The following DNAH3 variants were observed in gnomAD, a reference collection of about 807,000 sequenced individuals.
The protein encoded by DNAH3 is axonemal beta dynein heavy chain 3.
DNAH3 carries 332 observed loss-of-function variants against 432.5 expected under a neutral mutation model. The ratio of observed to expected loss-of-function variants is 0.77; its 90% CI spans 0.70 to 0.84. DNAH3 has a LOEUF of 0.84. Ranked by LOEUF, DNAH3 falls within the 40% of genes least tolerant of loss-of-function variation. DNAH3 has a pLI of 0.00. For missense variants in DNAH3, 4,861 were observed against 5,114.0 expected, an observed-to-expected ratio of 0.95 and a Z score of 1.51; for synonymous variants, 1,956 against 1,900.2, an observed-to-expected ratio of 1.03 and a Z score of -0.76.
intron 53 of DNAH3, among the ~76,000 whole-genome samples, chr16:20,961,578 A>C (rs992483960): frequency 1.3e-4 from 19 of 151,938 alleles, no homozygotes; most frequent in Non-Finnish European, 2.6e-4. Context: ...CCTTAATCCA[A>C]TATGACTGAT....
chr16:20,985,480 C>A, exon 48 of DNAH3: 1 of 1,614,196 alleles, frequency 6.2e-7, no homozygotes, highest in Admixed American at 1.7e-5. Flanking sequence ...CTTCAGGACA[C>A]GGCAGATCCT....
chr16:21,142,651 A>AG (rs2092735099), intron 3 of DNAH3, among the ~76,000 whole-genome samples: 1 of 149,224 alleles, frequency 6.7e-6, no homozygotes, highest in African/African-American at 2.5e-5. Flanking sequence ...CAATACAAAA[A>AG]TCCTTTTTTT....
At chr16:21,070,677 C>A in intron 22 of DNAH3, 33 bp downstream of exon 22, 2 of 1,419,208 alleles carry the variant, frequency 1.4e-6, no homozygotes, top group South Asian at 1.2e-5. Context: ...GCTAACGAAA[C>A]ACCTCAAAGC....
chr16:21,116,494 G>T (rs557606697), intron 12 of DNAH3, among the ~76,000 whole-genome samples: 2 of 152,010 alleles, frequency 1.3e-5, no homozygotes, highest in Non-Finnish European at 2.9e-5. Context: ...TGCCACGACC[G>T]ACCGACCATA....
chr16:21,020,442 G>A (rs180755725), intron 40 of DNAH3, among the ~76,000 whole-genome samples: 1,091 of 103,110 alleles, frequency 0.011, 9 homozygotes, highest in Non-Finnish European at 0.016. Flanking sequence ...TAGCTCTGTC[G>A]CCCATGCTGG....
At chr16:21,142,644 T>TA (rs1269571937) in intron 3 of DNAH3, among the ~76,000 whole-genome samples, 7 of 145,448 alleles carry the variant, frequency 4.8e-5, no homozygotes, top group African/African-American at 7.8e-5. Flanking sequence ...ATAACAACAA[T>TA]ACAAAAATCC....
chr16:21,000,271 T>C, exon 43 of DNAH3: 1 of 1,614,126 alleles, frequency 6.2e-7, no homozygotes, highest in Non-Finnish European at 8.5e-7. Context: ...GAAAAGGCCC[T>C]TCCGTCGTCG....
chr16:21,070,133 GATT>G (rs2090727376), intron 22 of DNAH3, among the ~76,000 whole-genome samples: 1 of 152,152 alleles, frequency 6.6e-6, no homozygotes, highest in Non-Finnish European at 1.5e-5. Context: ...TTACATTCTA[GATT>G]ACTACCATAA....
chr16:20,995,147 A>G (rs906320098), intron 44 of DNAH3, among the ~76,000 whole-genome samples: 2 of 152,122 alleles, frequency 1.3e-5, no homozygotes, highest in South Asian at 2.1e-4. Context: ...TGTTTCGCCA[A>G]GTTGCCCAGG....
chr16:21,073,266 C>T (rs531599080), intron 21 of DNAH3, among the ~76,000 whole-genome samples: 18 of 152,222 alleles, frequency 1.2e-4, no homozygotes, highest in Non-Finnish European at 2.1e-4. Context: ...CCCCATTTAG[C>T]TACTGATCCT....
chr16:21,124,165 C>G (rs1212318447), intron 9 of DNAH3, among the ~76,000 whole-genome samples: 1 of 152,132 alleles, frequency 6.6e-6, no homozygotes. Context: ...TCAACAAAGC[C>G]TTTTGTCTTT....
chr16:21,052,288 A>C (rs753412754), intron 28 of DNAH3, among the ~76,000 whole-genome samples: 1 of 152,170 alleles, frequency 6.6e-6, no homozygotes, highest in Admixed American at 6.5e-5. Flanking sequence ...CACCGTGCCC[A>C]GCCCAAACAA....
chr16:21,118,922 G>A (rs2092271702), intron 11 of DNAH3, among the ~76,000 whole-genome samples: 1 of 152,196 alleles, frequency 6.6e-6, no homozygotes, highest in Non-Finnish European at 1.5e-5. Context: ...TTAGTGGCTG[G>A]TCTCAGAAAA....
chr16:21,053,915 A>G (rs887426206), intron 28 of DNAH3, among the ~76,000 whole-genome samples: 18 of 151,952 alleles, frequency 1.2e-4, no homozygotes, highest in Non-Finnish European at 1.9e-4. Context: ...ACTGCTTGCA[A>G]CATTGCCCAT....
chr16:20,967,991 A>G (rs2085139796), intron 52 of DNAH3, among the ~76,000 whole-genome samples: 1 of 151,964 alleles, frequency 6.6e-6, no homozygotes, highest in African/African-American at 2.4e-5. Flanking sequence ...GCTTTATGTG[A>G]GTTTAGGCCT....
At chr16:20,992,029 G>A (rs1304757477) in intron 44 of DNAH3, among the ~76,000 whole-genome samples, 1 of 152,128 alleles carries the variant, frequency 6.6e-6, no homozygotes, top group Non-Finnish European at 1.5e-5. Flanking sequence ...TTTCATACAA[G>A]AAAGTCAGGG....
chr16:21,057,980 A>C (rs972497375), intron 27 of DNAH3, 106 bp downstream of exon 27: 71 of 760,916 alleles, frequency 9.3e-5, no homozygotes, highest in Admixed American at 9.7e-5. Context: ...GCTGAGACCA[A>C]ATGATTTTTG....
intron 16 of DNAH3, among the ~76,000 whole-genome samples, chr16:21,103,027 G>A (rs554245639): frequency 5.9e-5 from 9 of 152,036 alleles, no homozygotes; most frequent in East Asian, 3.9e-4. Context: ...CACTATGCCC[G>A]GCCAGGAGAC....
At chr16:21,111,421 G>A (rs555792150) in intron 14 of DNAH3, among the ~76,000 whole-genome samples, 6 of 152,118 alleles carry the variant, frequency 3.9e-5, no homozygotes, top group South Asian at 4.2e-4. Flanking sequence ...CCCTCCACCC[G>A]CCTACTCCAA....
Sources: allele counts gnomAD v4.1 joint callset (sites outside exome capture counted in the v4.1 genomes callset), GRCh38; gene constraint gnomAD v4.1.1; transcripts MANE v1.5; gene names NCBI Gene and HGNC (gene_info 2026-07-23, HGNC 2026-07-21).